Variants in COA4 observed in about 807,000 individuals in gnomAD.
The protein encoded by COA4 is cytochrome c oxidase assembly factor 4 homolog, mitochondrial.
Under a neutral mutation model 7.3 loss-of-function variants are expected in COA4, and 8 were observed. The ratio of observed to expected loss-of-function variants is 1.10; its 90% CI spans 0.64 to 1.98. COA4 has a LOEUF of 1.98. Among genes scored for constraint, COA4 ranks in the 30% most tolerant of loss-of-function variants. The pLI is 0.00. For synonymous variants in COA4, 42 were observed against 44.3 expected, an observed-to-expected ratio of 0.95 and a Z score of 0.21; for missense variants, 96 against 111.2, an observed-to-expected ratio of 0.86 and a Z score of 0.62.
intron 1 of COA4, 31 bp from the exon 2 acceptor site, chr11:73,873,425 TA>T: frequency 6.3e-7 from 1 of 1,586,626 alleles, no homozygotes; most frequent in Non-Finnish European, 8.6e-7. Flanking sequence ...AGAGTAGGGA[TA>T]TAATATGTAA....
Position 73,872,913 on chromosome 11 carries a change from T to G in COA4, c.*202A>C. ...GTAAATACTGGTGGAACAAGACAGC[T>G]GAGAATGTATGACATCTGACCATGA... On this transcript the variant is annotated 3_prime_UTR_variant, in exon 2 of 2. Coordinates refer to ENST00000355693, the MANE Select transcript of COA4 (RefSeq NM_016565.3). 9.8e-6 allele frequency: 6 copies of G among 613,234 alleles called. No homozygotes were observed. Among genetic ancestry groups the G allele is most frequent in the Non-Finnish European group, 1.7e-5 (6 of 361,440 alleles). The allele number at this position is 613,234 out of a possible 1,614,324, so 38.0% of individuals were successfully genotyped here.
chr11:73,875,290 A>T (rs926355400), intron 1 of COA4, among the ~76,000 whole-genome samples: 22 of 152,244 alleles, frequency 1.4e-4, no homozygotes, highest in African/African-American at 5.3e-4. Context: ...CTGTAAAGCA[A>T]CTAGGACTCC....
At chr11:73,873,511 A>T in intron 1 of COA4, 117 bp from the exon 2 acceptor site, 8 of 822,012 alleles carry the variant, frequency 9.7e-6, no homozygotes, top group East Asian at 2.8e-5. Flanking sequence ...CCCGTGGGAG[A>T]CTCTAAGCTT....
chr11:73,875,647 T>TA (rs1948734038), intron 1 of COA4: 1 of 148,904 alleles, frequency 6.7e-6, no homozygotes, highest in African/African-American at 2.5e-5. Context: ...GTGGTTGAGA[T>TA]AGAATCTGAC....
Position 73,876,842 on chromosome 11 carries a change from C to T in COA4, c.-102G>A, listed in dbSNP as rs925780916. 3.3e-6 allele frequency: 2 copies of T among 609,898 alleles called. No homozygotes were observed. Among genetic ancestry groups the T allele is most frequent in the Non-Finnish European group, 5.1e-6 (2 of 388,736 alleles). 37.8% of individuals were successfully genotyped at this position (609,898 alleles called of 1,614,324 possible). ...GGCGGTTGGGGATCCTCTGTACATC[C>T]TTTCAGGAACCAGCCCCTCGTGGGG... is the stretch of plus-strand genomic sequence containing the variant. On this transcript the variant is annotated 5_prime_UTR_variant, in exon 1 of 2. Coordinates refer to ENST00000355693, the MANE Select transcript of COA4 (RefSeq NM_016565.3).
chr11:73,875,303 A>C (rs1948729827), intron 1 of COA4, among the ~76,000 whole-genome samples: 1 of 152,216 alleles, frequency 6.6e-6, no homozygotes, highest in Admixed American at 6.5e-5. Flanking sequence ...AGGACTCCTT[A>C]TTGCCTTAAC....
At chr11:73,876,402 A>G (rs995869389) in intron 1 of COA4, 1 of 152,192 alleles carries the variant, frequency 6.6e-6, no homozygotes, top group Non-Finnish European at 1.5e-5. Context: ...AATTAGAATG[A>G]AGATTAATAT....
In COA4 at chr11:73,873,048, T is replaced by G; in HGVS notation, c.*67A>C. 6.6e-7 allele frequency: 1 copy of G among 1,511,808 alleles called. No individual in the cohort carries two copies. The highest frequency in any genetic ancestry group is 1.3e-5 in the South Asian group (1 of 75,896). 93.6% of individuals were successfully genotyped at this position (1,511,808 alleles called of 1,614,324 possible). On this transcript the variant is annotated 3_prime_UTR_variant, in exon 2 of 2. Transcript: ENST00000355693. ...TCCCACACCAGCATTTAGGATTTCT[T>G]CCTCTATAATCTTGCTGGGTGCTGG...
chr11:73,874,118 C>G (rs1323518867), intron 1 of COA4, among the ~76,000 whole-genome samples: 1 of 151,904 alleles, frequency 6.6e-6, no homozygotes, highest in African/African-American at 2.4e-5. Context: ...AATTTGAGAC[C>G]AGCAGGGGTA....
rs763649227 is a variant in COA4, at chr11:73,873,357, C to T, written c.22G>A (p.Gly8Ser). 1.9e-6 allele frequency: 3 copies of T among 1,614,130 alleles called. No homozygotes were observed. The highest frequency in any genetic ancestry group is 2.2e-5 in the South Asian group (2 of 91,080). The change falls in exon 2 of 2, where the codon GGC becomes AGC. Residue 8 changes from glycine (G) to serine (S), a missense_variant. Coordinates refer to ENST00000355693, the MANE Select transcript of COA4 (RefSeq NM_016565.3). Reference sequence around the variant, plus strand: ...TTCACCCGTTGGGTCCAGGTATGGCCTTGAGGGACTGAGGTTGACATCCTG... The same window carrying T: ...TTCACCCGTTGGGTCCAGGTATGGCTTTGAGGGACTGAGGTTGACATCCTG... MSTSVPQ[G>S]HTWTQRVKKD... is the part of the protein sequence containing the mutation.
chr11:73,872,772 A>T lies in COA4; in HGVS notation c.*343T>A, dbSNP rs1801241170. On this transcript the variant is annotated 3_prime_UTR_variant, in exon 2 of 2. Coordinates refer to ENST00000355693, the MANE Select transcript of COA4 (RefSeq NM_016565.3). ...GCACTAATTAGGTAATCAATTTACCATTAGATTGTAAATTTAATTTAAAAT... is the reference window on the plus strand; with the variant it reads ...GCACTAATTAGGTAATCAATTTACCTTTAGATTGTAAATTTAATTTAAAAT... The T allele has an allele frequency of 4.1e-6, 1 of 242,664 alleles. No individual in the cohort carries two copies. Among genetic ancestry groups the T allele is most frequent in the African/African-American group, 2.2e-5 (1 of 45,078 alleles). The allele number at this position is 242,664 out of a possible 1,614,324, so 15.0% of individuals were successfully genotyped here. A position where few individuals can be genotyped will look rare whatever the true frequency, so the allele number is the denominator to read the frequency against.
intron 1 of COA4, 133 bp from the exon 2 acceptor site, chr11:73,873,527 C>A: frequency 2.1e-5 from 14 of 651,398 alleles, no homozygotes; most frequent in Non-Finnish European, 3.0e-5. Context: ...AGCTTGAAGA[C>A]AGATGCTTGT....
At chr11:73,873,499 C>T in intron 1 of COA4, 105 bp from the exon 2 acceptor site, 2 of 975,654 alleles carry the variant, frequency 2.0e-6, no homozygotes, top group South Asian at 3.4e-5. Context: ...ATGTGTCTGT[C>T]TCCCGTGGGA....
chr11:73,876,126 C>CAAAAAA (rs60469198), intron 1 of COA4: 1 of 102,806 alleles, frequency 9.7e-6, no homozygotes, highest in Non-Finnish European at 2.1e-5. Context: ...GACCCTGTCT[C>CAAAAAA]AAAAAAAAAA....
At chr11:73,876,705 A>C (rs1948751576) in intron 1 of COA4, 52 bp downstream of exon 1, 1 of 266,298 alleles carries the variant, frequency 3.8e-6, no homozygotes. Flanking sequence ...CGCTGATCGC[A>C]GCCCCGTTGT....
In COA4 at chr11:73,873,373, T is replaced by A. The variant is rs761204788; in HGVS notation, c.6A>T (p.Ser2=). 33 of 1,613,992 alleles carry A rather than the reference T, an allele frequency of 2.0e-5. 1 individual carries two copies. Among genetic ancestry groups the A allele is most frequent in the Non-Finnish European group, 2.5e-6 (3 of 1,179,998 alleles). Reference sequence around the variant, plus strand: ...AGGTATGGCCTTGAGGGACTGAGGTTGACATCCTGGGGATGGGGAGTCTAT... The same window carrying A: ...AGGTATGGCCTTGAGGGACTGAGGTAGACATCCTGGGGATGGGGAGTCTAT... M[S]TSVPQGHTWT... is the part of the protein sequence containing the mutation. The change falls in exon 2 of 2, where the codon TCA becomes TCT. Residue 2 remains serine (S), a synonymous_variant. Coordinates refer to ENST00000355693, the MANE Select transcript of COA4 (RefSeq NM_016565.3).
chr11:73,876,806 T>G lies in COA4; in HGVS notation c.-66A>C, dbSNP rs960355293. On this transcript the variant is annotated 5_prime_UTR_variant, in exon 1 of 2. Coordinates refer to ENST00000355693, the MANE Select transcript of COA4 (RefSeq NM_016565.3). ...GAACGCACGCTCCTACGCGGCGGCT[T>G]GGGTTTCGCAGGCGGTTGGGGATCC... The G allele has an allele frequency of 9.5e-6, 4 of 421,934 alleles. No individual in the cohort carries two copies. The highest frequency in any genetic ancestry group is 1.2e-5 in the Non-Finnish European group (3 of 243,912). 26.1% of individuals were successfully genotyped at this position (421,934 alleles called of 1,614,324 possible). A position where few individuals can be genotyped will look rare whatever the true frequency, so the allele number is the denominator to read the frequency against.
In COA4 at chr11:73,876,844, T is replaced by C; in HGVS notation, c.-104A>G. 5 of 619,960 alleles carry C rather than the reference T, an allele frequency of 8.1e-6. No homozygotes were observed. The highest frequency in any genetic ancestry group is 7.5e-6 in the Non-Finnish European group (3 of 397,572). 38.4% of individuals were successfully genotyped at this position (619,960 alleles called of 1,614,324 possible). ...CGGTTGGGGATCCTCTGTACATCCT[T>C]TCAGGAACCAGCCCCTCGTGGGGAG... is the stretch of plus-strand genomic sequence containing the variant. On this transcript the variant is annotated 5_prime_UTR_variant, in exon 1 of 2. Coordinates refer to ENST00000355693, the MANE Select transcript of COA4 (RefSeq NM_016565.3).
intron 1 of COA4, chr11:73,875,684 T>G (rs1948735100): frequency 5.3e-5 from 8 of 151,480 alleles, no homozygotes. Context: ...AAAAAAAAGT[T>G]CAGTGATGGG....
Sources: allele counts gnomAD v4.1 joint callset (sites outside exome capture counted in the v4.1 genomes callset), GRCh38; gene constraint gnomAD v4.1.1; transcripts MANE v1.5; gene names NCBI Gene and HGNC (gene_info 2026-07-23, HGNC 2026-07-21).